SYCE1: variants seen among roughly 807,000 people sequenced by gnomAD.
The protein encoded by SYCE1 is cancer/testis antigen 76.
A neutral mutation model predicts 55.1 loss-of-function variants in SYCE1; 37 were observed. The observed-to-expected ratio is 0.67, with a 90% confidence interval of 0.52 to 0.88. SYCE1 has a LOEUF of 0.88. SYCE1 is among the 40% of genes least tolerant of loss of function. The pLI is 0.00. For missense variants in SYCE1, 399 were observed against 416.4 expected (o/e 0.96, Z 0.36); for synonymous variants, 163 against 159.4 (o/e 1.02, Z -0.17).
chr10:133,563,143 A>T (rs943615525), intron 1 of SYCE1, among the ~76,000 whole-genome samples: 2 of 152,212 alleles, frequency 1.3e-5, no homozygotes, highest in African/African-American at 4.8e-5. Flanking sequence ...TGTCAACCAG[A>T]TATGCAAAAT....
At chr10:133,554,329 C>T (rs767002685), downstream of SYCE1, 2 of 1,614,040 alleles carry the variant, frequency 1.2e-6, no homozygotes, top group African/African-American at 2.7e-5. Context: ...GTCTGGGAGC[C>T]TGTCAAGAAA....
downstream of SYCE1, chr10:133,554,402 C>T: frequency 7.2e-7 from 1 of 1,391,402 alleles, no homozygotes; most frequent in Non-Finnish European, 1.0e-6. Context: ...TTGACTCCCA[C>T]CATTGGTCTT....
In SYCE1 at chr10:133,556,775, T is replaced by A. The variant is rs201578230; in HGVS notation, c.512A>T (p.Asp171Val). 17 of 1,568,150 alleles carry A rather than the reference T, an allele frequency of 1.1e-5. 1 individual carries two copies. The highest frequency in any genetic ancestry group is 1.4e-5 in the African/African-American group (1 of 73,484). Reference sequence around the variant, plus strand: ...GGGACTCACGTGGAAGTCCCAGAGGTCCTTGTGCTGGCCCATCAGATCTTC... The same window carrying A: ...GGGACTCACGTGGAAGTCCCAGAGGACCTTGTGCTGGCCCATCAGATCTTC... ...QLEDLMGQHK[D>V]LWDFHMPERL... Residue 171 changes from aspartate (D) to valine (V), a missense_variant, in exon 8 of 13, where the codon GAC (aspartate) becomes GTC (valine). By Grantham distance (152) the Asp-to-Val change is radical. Transcript: ENST00000343131.
At chr10:133,567,780 G>C (rs1312306125), upstream of SYCE1, 3 of 327,740 alleles carry the variant, frequency 9.2e-6, no homozygotes, top group South Asian at 7.2e-5. Flanking sequence ...AGTGTGGCTG[G>C]GCTGTTGGTA....
chr10:133,565,402 C>A, intron 1 of SYCE1, 55 bp downstream of exon 1: 2 of 1,453,582 alleles, frequency 1.4e-6, no homozygotes, highest in East Asian at 2.8e-5. Flanking sequence ...CCCAACCCTG[C>A]CCCGCCTCGG....
chr10:133,559,361 C>T lies in SYCE1; in HGVS notation c.137-1G>A, dbSNP rs1200894398. The T allele has an allele frequency of 6.2e-7, 1 of 1,613,962 alleles. No homozygotes were observed. The highest frequency in any genetic ancestry group is 1.3e-5 in the African/African-American group (1 of 74,904). On this transcript the variant is annotated splice_acceptor_variant, in intron 2 of 12. Coordinates refer to ENST00000343131, the MANE Select transcript of SYCE1 (RefSeq NM_001143764.3). LOFTEE classifies it high-confidence loss of function. Reference sequence around the variant, plus strand: ...TCAACTCGGGGCTCTAGGCTTCCCACTGCACGGAGGAAAGGAGGTTGAGTT... The same window carrying T: ...TCAACTCGGGGCTCTAGGCTTCCCATTGCACGGAGGAAAGGAGGTTGAGTT...
upstream of SYCE1, chr10:133,568,111 C>T (rs1332049632): frequency 1.4e-6 from 1 of 740,538 alleles, no homozygotes. Context: ...GCAGCAGCCC[C>T]AGGGCACTGA....
At chr10:133,562,969 AGGCC>A (rs1851848979) in intron 1 of SYCE1, among the ~76,000 whole-genome samples, 1 of 15,164 alleles carries the variant, frequency 6.6e-5, no homozygotes, top group African/African-American at 7.4e-5. Context: ...ACCATATCAC[AGGCC>A]AAGGCCAAGG....
At position 133,559,861 on chromosome 10, in the gene SYCE1, C is replaced by G. The variant is rs1851781088; in HGVS notation, c.136+230G>C. On this transcript the variant is annotated intron_variant, in intron 2 of 12. Coordinates refer to ENST00000343131, the MANE Select transcript of SYCE1 (RefSeq NM_001143764.3). ...GCAGTGGAGCCAGATGGGTGACCAG[C>G]GAGAGGTTTGGGACAGGGTTTTGGG... 1.1e-5 allele frequency: 6 copies of G among 532,030 alleles called. No individual in the cohort carries two copies. In the Admixed American group the frequency reaches 1.9e-4, roughly 17 times the overall value. 33.0% of individuals were successfully genotyped at this position (532,030 alleles called of 1,614,324 possible). A position where few individuals can be genotyped will look rare whatever the true frequency, so the allele number is the denominator to read the frequency against.
chr10:133,560,345 G>C, intron 1 of SYCE1, 192 bp from the exon 2 acceptor site: 1 of 500,810 alleles, frequency 2.0e-6, no homozygotes. Flanking sequence ...AATTATACCA[G>C]ATATCCTCTT....
downstream of SYCE1, chr10:133,554,271 C>T (rs757292863): frequency 1.9e-6 from 3 of 1,612,952 alleles, no homozygotes; most frequent in Non-Finnish European, 2.5e-6. Context: ...AAACAGTGCT[C>T]TGCAGTGAGC....
chr10:133,564,297 T>G, intron 1 of SYCE1: 1 of 769,600 alleles, frequency 1.3e-6, no homozygotes, highest in Non-Finnish European at 1.6e-6. Context: ...GACGCTGAAT[T>G]GCACCTTGAT....
At chr10:133,564,270 G>A (rs184141598) in intron 1 of SYCE1, 2 of 471,570 alleles carry the variant, frequency 4.2e-6, no homozygotes, top group East Asian at 3.1e-4. Flanking sequence ...CTATAGCCAG[G>A]AAGCAGGCCC....
upstream of SYCE1, chr10:133,568,036 G>C (rs1377935725): frequency 9.7e-6 from 6 of 619,270 alleles, no homozygotes; most frequent in Admixed American, 6.6e-5. Flanking sequence ...CAGGCCGGAG[G>C]ATCCTGGGGG....
At chr10:133,566,094 A>G (rs1276737079), upstream of SYCE1, among the ~76,000 whole-genome samples, 2 of 152,202 alleles carry the variant, frequency 1.3e-5, no homozygotes, top group African/African-American at 4.8e-5. Flanking sequence ...CGTGAGCTCC[A>G]TGCCCACAGT....
At chr10:133,568,050 G>C (rs1039174170), upstream of SYCE1, 1 of 630,666 alleles carries the variant, frequency 1.6e-6, no homozygotes, top group African/African-American at 1.8e-5. Context: ...CTGGGGGACG[G>C]TGCGGCCCGG....
intron 6 of SYCE1, 194 bp downstream of exon 6, chr10:133,557,670 G>A: frequency 1.6e-6 from 1 of 617,020 alleles, no homozygotes. Flanking sequence ...GCAAATGAAT[G>A]TCTTGCCATT....
chr10:133,558,975 TTG>T (rs1231053409), intron 3 of SYCE1, 24 bp from the exon 4 acceptor site: 28 of 1,602,972 alleles, frequency 1.7e-5, no homozygotes, highest in Non-Finnish European at 2.2e-5. Context: ...CAGAAAAACA[TTG>T]TGTGAGTGCA....
chr10:133,567,684 ATGGGTTACC>A, upstream of SYCE1: 1 of 209,866 alleles, frequency 4.8e-6, no homozygotes, highest in South Asian at 7.3e-5. Flanking sequence ...CTCCCTGTCC[ATGGGTTACC>A]ACGGCCCCTG....
Sources: allele counts gnomAD v4.1 joint callset (sites outside exome capture counted in the v4.1 genomes callset), GRCh38; gene constraint gnomAD v4.1.1; transcripts MANE v1.5; gene names NCBI Gene and HGNC (gene_info 2026-07-23, HGNC 2026-07-21).